Variants in COG3 observed in about 807,000 individuals in gnomAD.
The protein encoded by COG3 is conserved oligomeric Golgi complex subunit 3.
A neutral mutation model predicts 114.1 loss-of-function variants in COG3; 32 were observed. The observed-to-expected ratio is 0.28, with a 90% CI of 0.21 to 0.38. The LOEUF is 0.38. Among genes scored for constraint, COG3 ranks in the 10% least tolerant of loss-of-function variants. The pLI, the probability that COG3 is intolerant of heterozygous loss-of-function variation, is 1.00. For synonymous variants in COG3, 352 were observed against 365.7 expected (o/e 0.96, Z 0.43); for missense variants, 813 against 973.2 (o/e 0.84, Z 2.19).
chr13:45,501,681 G>A (rs1042251573), intron 13 of COG3, among the ~76,000 whole-genome samples: 1 of 152,098 alleles, frequency 6.6e-6, no homozygotes, highest in African/African-American at 2.4e-5. Flanking sequence ...GTTGCTACAG[G>A]GGTATTGTTG....
intron 1 of COG3, among the ~76,000 whole-genome samples, chr13:45,472,094 G>A (rs1221852832): frequency 1.3e-5 from 2 of 152,140 alleles, no homozygotes; most frequent in Non-Finnish European, 2.9e-5. Flanking sequence ...TTCTCTATAG[G>A]TGTAGAACTC....
intron 7 of COG3, among the ~76,000 whole-genome samples, chr13:45,484,612 A>T (rs868816757): frequency 5.4e-4 from 77 of 142,966 alleles, no homozygotes; most frequent in African/African-American, 1.4e-3. Context: ...TTATTTATTT[A>T]TTTTTTTATT....
Position 45,465,184 on chromosome 13 carries a change from G to T in COG3, c.148G>T (p.Ala50Ser). Residue 50 changes from alanine (A) to serine (S), a missense_variant, in exon 1 of 23, where the codon GCA becomes TCA. Ala to Ser is a moderately conservative substitution (Grantham distance 99, BLOSUM62 1). Coordinates refer to ENST00000349995, the MANE Select transcript of COG3 (RefSeq NM_031431.4). Reference protein sequence around the residue: ...TDSVLELKAAAENLPVPAELP... With the variant: ...TDSVLELKAASENLPVPAELP... ...CTCGGTATTGGAGCTGAAGGCGGCG[G>T]CAGAGAACTTGCCGGTGCCAGCTGA... 1 of 1,613,662 alleles carries T rather than the reference G, an allele frequency of 6.2e-7. No individual in the cohort carries two copies. The highest frequency in any genetic ancestry group is 1.1e-5 in the South Asian group (1 of 91,074).
intron 7 of COG3, among the ~76,000 whole-genome samples, chr13:45,484,552 C>G (rs1034199130): frequency 6.6e-6 from 1 of 150,498 alleles, no homozygotes; most frequent in African/African-American, 2.5e-5. Flanking sequence ...ATTTAATCTT[C>G]CTGAGATTTT....
intron 1 of COG3, among the ~76,000 whole-genome samples, chr13:45,467,183 T>C (rs1368557226): frequency 6.6e-6 from 1 of 152,162 alleles, no homozygotes; most frequent in Non-Finnish European, 1.5e-5. Flanking sequence ...GAAATAACAT[T>C]GCAGCTGGAA....
chr13:45,518,707 T>A lies in COG3; in HGVS notation c.1931-55T>A. The A allele has an allele frequency of 4.4e-6, 6 of 1,357,050 alleles. No homozygotes were observed. In the South Asian group the frequency reaches 7.5e-5, roughly 17 times the overall value. 84.1% of individuals were successfully genotyped at this position (1,357,050 alleles called of 1,614,324 possible). On this transcript the variant is annotated intron_variant, in intron 17 of 22. Coordinates refer to ENST00000349995, the MANE Select transcript of COG3 (RefSeq NM_031431.4). ...GTAGAGAACTGGTGTATGTTACTCA[T>A]GGCTTTGCTGTTGAAACTTTACATG...
rs143802948 is a variant in COG3 at position 45,506,343 on chromosome 13, G to T, written c.1594+2994G>T. ...TAAGCCCACCAAGAAAGAACAGCCA[G>T]CGTGGTCAGAAGTGGGCAAGTGAGA... is the stretch of plus-strand genomic sequence containing the variant. On this transcript the variant is annotated intron_variant, in intron 14 of 22. Coordinates refer to ENST00000349995, the MANE Select transcript of COG3 (RefSeq NM_031431.4). Among the ~76,000 whole-genome samples, 455 of 152,224 alleles carry T rather than the reference G, an allele frequency of 3.0e-3. 3 individuals carry two copies. The highest frequency in any genetic ancestry group is 0.011 in the African/African-American group (439 of 41,546).
In COG3 at chr13:45,534,786, A is replaced by C. The variant is rs953309976; in HGVS notation, c.*55A>C. The C allele has an allele frequency of 9.2e-6, 14 of 1,528,622 alleles. No homozygotes were observed. The highest frequency in any genetic ancestry group is 2.2e-5 in the Admixed American group (1 of 46,172). 94.7% of individuals were successfully genotyped at this position (1,528,622 alleles called of 1,614,324 possible). ...TCTGTCTGGGAGGAGCAGGCTGAGA[A>C]GTCTTGCAGTCTGCAGGACACCGAG... On this transcript the variant is annotated 3_prime_UTR_variant, in exon 23 of 23. Coordinates refer to ENST00000349995, the MANE Select transcript of COG3 (RefSeq NM_031431.4).
At chr13:45,518,693 G>C in intron 17 of COG3, 69 bp from the exon 18 acceptor site, 1 of 1,157,464 alleles carries the variant, frequency 8.6e-7, no homozygotes, top group Non-Finnish European at 1.3e-6. Flanking sequence ...TAGAGAACTG[G>C]TGTATGTTAC....
At position 45,490,835 on chromosome 13, in the gene COG3, A is replaced by T. The variant is rs186310204; in HGVS notation, c.925-80A>T. 1,360 of 699,322 alleles carry T rather than the reference A, an allele frequency of 1.9e-3. 6 individuals are homozygous for T. The highest frequency in any genetic ancestry group is 1.9e-3 in the Non-Finnish European group (829 of 440,360). The allele number at this position is 699,322 out of a possible 1,614,324, so 43.3% of individuals were successfully genotyped here. A position where few individuals can be genotyped will look rare whatever the true frequency, so the allele number is the denominator to read the frequency against. On this transcript the variant is annotated intron_variant, in intron 8 of 22. Transcript: ENST00000349995. Reference sequence around the variant, plus strand: ...TATTTACAGTTTTTCTGAATATGTGATACAATTAATATTATAATCAGAAAG... The same window carrying T: ...TATTTACAGTTTTTCTGAATATGTGTTACAATTAATATTATAATCAGAAAG...
intron 1 of COG3, among the ~76,000 whole-genome samples, chr13:45,473,146 G>C (rs1342531803): frequency 6.6e-6 from 1 of 152,196 alleles, no homozygotes; most frequent in African/African-American, 2.4e-5. Flanking sequence ...TGGGATTACA[G>C]GTGTGAGCCA....
At position 45,513,187 on chromosome 13, in the gene COG3, ATATATATATATAATATATACATATAAAT is replaced by A. The variant is rs764524329; in HGVS notation, c.1809+1366_1809+1393del. Among the ~76,000 whole-genome samples, 9 of 121,910 alleles carry A rather than the reference ATATATATATATAATATATACATATAAAT, an allele frequency of 7.4e-5. 1 individual carries two copies. Among genetic ancestry groups the A allele is most frequent in the East Asian group, 2.2e-4 (1 of 4,558 alleles). 80.0% of individuals were successfully genotyped at this position (121,910 alleles called of 152,430 possible). The stretch of plus-strand genomic sequence containing the variant: ...TAAACGTGACTTTTAAGGCTTTTAT[ATATATATATATAATATATACATATAAAT>A]TATATATATATAATATATACATATA... On this transcript the variant is annotated intron_variant, in intron 16 of 22. Coordinates refer to ENST00000349995, the MANE Select transcript of COG3 (RefSeq NM_031431.4).
Position 45,491,548 on chromosome 13 carries a change from T to G in COG3, c.1095+10T>G. 1 of 1,607,834 alleles carries G rather than the reference T, an allele frequency of 6.2e-7. No individual in the cohort carries two copies. Among genetic ancestry groups the G allele is most frequent in the South Asian group, 1.1e-5 (1 of 89,566 alleles). On this transcript the variant is annotated intron_variant, in intron 10 of 22. Coordinates refer to ENST00000349995, the MANE Select transcript of COG3 (RefSeq NM_031431.4). Reference sequence around the variant, plus strand: ...AGATCACTGTGCCTTGGTAAGTTTCTACTTGTTTTGGTTTAATGTTAAATC... The same window carrying G: ...AGATCACTGTGCCTTGGTAAGTTTCGACTTGTTTTGGTTTAATGTTAAATC...
At chr13:45,528,946 G>A (rs560502190) in intron 20 of COG3, among the ~76,000 whole-genome samples, 2 of 152,148 alleles carry the variant, frequency 1.3e-5, no homozygotes, top group Non-Finnish European at 2.9e-5. Context: ...TGCATTTTCA[G>A]TTTTGCTAGA....
At chr13:45,508,025 C>T (rs1271264052) in intron 14 of COG3, among the ~76,000 whole-genome samples, 9 of 132,176 alleles carry the variant, frequency 6.8e-5, no homozygotes, top group Non-Finnish European at 1.3e-4. Flanking sequence ...GCTGAGATTG[C>T]GCCGCTGCAC....
chr13:45,521,893 C>T (rs1374012622), intron 19 of COG3, among the ~76,000 whole-genome samples: 2 of 151,462 alleles, frequency 1.3e-5, no homozygotes, highest in African/African-American at 4.9e-5. Context: ...ACCTCTGCCT[C>T]CCGGGTCCAA....
At chr13:45,525,821 A>C (rs1234412334) in intron 20 of COG3, among the ~76,000 whole-genome samples, 3 of 151,458 alleles carry the variant, frequency 2.0e-5, no homozygotes, top group Non-Finnish European at 4.4e-5. Flanking sequence ...TAAAATGGGC[A>C]AAATGATGAA....
At chr13:45,484,577 CTTATTTATTTAT>C (rs200717475) in intron 7 of COG3, among the ~76,000 whole-genome samples, 139 of 137,400 alleles carry the variant, frequency 1.0e-3, no homozygotes, top group Middle Eastern at 3.5e-3. Flanking sequence ...CCTAAGCTTG[CTTATTTATTTAT>C]TTATTTATTT....
At chr13:45,496,818 C>T (rs1336085308) in intron 13 of COG3, among the ~76,000 whole-genome samples, 1 of 151,892 alleles carries the variant, frequency 6.6e-6, no homozygotes, top group Non-Finnish European at 1.5e-5. Context: ...GGACTACAGG[C>T]GCCCGCCACC....
Sources: gnomAD v4.1 joint callset for allele counts (sites outside exome capture counted in the v4.1 genomes callset) on GRCh38, gnomAD v4.1.1 for gene constraint, MANE v1.5 for transcripts, NCBI Gene and HGNC (gene_info 2026-07-23, HGNC 2026-07-21) for gene names.